YTHDF3: variants seen among roughly 807,000 people sequenced by gnomAD.
YTHDF3 encodes YTH N6-methyladenosine RNA binding protein F3.
Under a neutral mutation model 52.5 loss-of-function variants are expected in YTHDF3, and 9 were observed. That is an observed-to-expected ratio of 0.17 (90% CI 0.10 to 0.30). The LOEUF (loss-of-function observed/expected upper bound fraction) is 0.30. YTHDF3 is among the 10% of genes least tolerant of loss of function. YTHDF3 has a pLI of 1.00. For synonymous variants in YTHDF3, 274 were observed against 243.3 expected (o/e 1.13, Z -1.18); for missense variants, 534 against 715.0 (o/e 0.75, Z 2.89).
chr8:63,208,759 TG>T (rs1810195904), intron 4 of YTHDF3, among the ~76,000 whole-genome samples: 1 of 152,252 alleles, frequency 6.6e-6, no homozygotes, highest in African/African-American at 2.4e-5. Context: ...GTTTAACTTT[TG>T]TTCAAGTAGT....
At chr8:63,172,874 A>G in intron 2 of YTHDF3, 2 of 1,138,824 alleles carry the variant, frequency 1.8e-6, no homozygotes, top group Non-Finnish European at 2.2e-6. Flanking sequence ...TTTCTATTTA[A>G]TGGTTTTCAG....
rs762422750 is a variant in YTHDF3, at chr8:63,186,873, G to A, written c.862G>A (p.Ala288Thr). Residue 288 changes from alanine (A) to threonine (T), a missense_variant, in exon 4 of 5, where the codon GCT becomes ACT. Physicochemically the swap from Ala to Thr is moderately conservative, Grantham distance 58. This residue lies in a region of YTHDF3 where 203 missense variants were observed against 201.3 expected (regional missense o/e 1.01). Transcript: ENST00000539294. ...TWDEKGSVVK[A>T]PPTQPVLPPQ... The stretch of plus-strand genomic sequence containing the variant: ...GGATGAAAAAGGGTCAGTGGTAAAG[G>A]CTCCACCAACCCAACCAGTTCTGCC... 6.2e-7 allele frequency: 1 copy of A among 1,613,918 alleles called. No homozygotes were observed. The highest frequency in any genetic ancestry group is 8.5e-7 in the Non-Finnish European group (1 of 1,179,882).
intron 2 of YTHDF3, chr8:63,172,709 C>T: frequency 1.7e-6 from 2 of 1,169,968 alleles, no homozygotes; most frequent in Non-Finnish European, 2.1e-6. Context: ...TAGTCAGGAC[C>T]AGAGCAAAGA....
intron 4 of YTHDF3, among the ~76,000 whole-genome samples, chr8:63,198,728 G>A (rs554967730): frequency 1.3e-5 from 2 of 152,252 alleles, no homozygotes; most frequent in East Asian, 1.9e-4. Context: ...TATGACAACA[G>A]CAAACATTTC....
At chr8:63,175,683 T>G (rs1807638701) in intron 3 of YTHDF3, 2 of 261,012 alleles carry the variant, frequency 7.7e-6, no homozygotes, top group South Asian at 1.6e-4. Context: ...ATGGTTAGGT[T>G]TTTTGTGTGT....
At chr8:63,188,462 G>T (rs561735032) in intron 4 of YTHDF3, among the ~76,000 whole-genome samples, 1 of 150,354 alleles carries the variant, frequency 6.7e-6, no homozygotes, top group South Asian at 2.1e-4. Flanking sequence ...GAGTAGCTGG[G>T]ACTACGGTCA....
intron 3 of YTHDF3, among the ~76,000 whole-genome samples, chr8:63,176,930 C>T (rs1188546126): frequency 3.3e-5 from 5 of 152,084 alleles, no homozygotes; most frequent in Admixed American, 1.3e-4. Flanking sequence ...CTGCCTGCCT[C>T]AGCCTCCCAA....
Position 63,182,608 on chromosome 8 carries a change from T to C in YTHDF3, c.136-3539T>C, listed in dbSNP as rs117447859. On this transcript the variant is annotated intron_variant, in intron 3 of 4. Transcript: ENST00000539294. ...GTTTAACTTTCTGAATGCTTTCTTATAAAGAATTAACATAAAAACTTCCTA... is the reference window on the plus strand; with the variant it reads ...GTTTAACTTTCTGAATGCTTTCTTACAAAGAATTAACATAAAAACTTCCTA... Among the ~76,000 whole-genome samples the C allele has an allele frequency of 5.3e-3, 803 of 152,318 alleles. 4 individuals are homozygous for C. The highest frequency in any genetic ancestry group is 6.8e-3 in the Middle Eastern group (2 of 294).
Position 63,187,469 on chromosome 8 carries a change from T to C in YTHDF3, c.1458T>C (p.Asn486=), listed in dbSNP as rs369724704. 35 of 1,613,984 alleles carry C rather than the reference T, an allele frequency of 2.2e-5. No homozygotes were observed. The highest frequency in any genetic ancestry group is 2.9e-5 in the Non-Finnish European group (34 of 1,179,890). Residue 486 remains asparagine, a synonymous_variant, in exon 4 of 5, where the codon AAT becomes AAC. Transcript: ENST00000539294. Reference sequence around the variant, plus strand: ...AAATGAAGTCTGTTGTGGACTATAATGCGTATGCTGGTGTCTGGTCTCAGG... The same window carrying C: ...AAATGAAGTCTGTTGTGGACTATAACGCGTATGCTGGTGTCTGGTCTCAGG... The part of the protein sequence containing the change: ...VAEMKSVVDY[N]AYAGVWSQDK...
In YTHDF3 at chr8:63,197,011, G is replaced by A. The variant is rs145802334; in HGVS notation, c.1734+9266G>A. Reference sequence around the variant, plus strand: ...TGTTTATAGAGGATCAGAACTTTTGGCCATCTCATCCTGCCTACTTAATTC... The same window carrying A: ...TGTTTATAGAGGATCAGAACTTTTGACCATCTCATCCTGCCTACTTAATTC... On this transcript the variant is annotated intron_variant, in intron 4 of 4. Coordinates refer to ENST00000539294, the MANE Select transcript of YTHDF3 (RefSeq NM_152758.6). 2.0e-5 allele frequency among the ~76,000 whole-genome samples: 3 copies of A among 152,274 alleles called. No individual in the cohort carries two copies. In the East Asian group the frequency reaches 5.8e-4, roughly 29 times the overall value.
chr8:63,175,131 T>C (rs889722246), intron 2 of YTHDF3, among the ~76,000 whole-genome samples, 200 bp from the exon 3 acceptor site: 6 of 152,176 alleles, frequency 3.9e-5, no homozygotes, highest in African/African-American at 1.4e-4. Context: ...CTTGGGCTTA[T>C]GTATCAAAAG....
chr8:63,198,722 ACAACAGCAAACAT>A (rs1444200826), intron 4 of YTHDF3, among the ~76,000 whole-genome samples: 8 of 152,224 alleles, frequency 5.3e-5, no homozygotes, highest in African/African-American at 1.9e-4. Flanking sequence ...TATACTTATG[ACAACAGCAAACAT>A]TTCCCTGGCA....
intron 4 of YTHDF3, among the ~76,000 whole-genome samples, chr8:63,192,873 A>G (rs1809001924): frequency 6.7e-6 from 1 of 150,174 alleles, no homozygotes; most frequent in Non-Finnish European, 1.5e-5. Flanking sequence ...TCTGGTTTTA[A>G]TATGGCCTTA....
intron 4 of YTHDF3, chr8:63,188,801 C>T (rs1411501050): frequency 6.9e-6 from 1 of 145,150 alleles, no homozygotes; most frequent in Non-Finnish European, 1.5e-5. Context: ...GCAACGTCCG[C>T]CTCCCGGATT....
intron 4 of YTHDF3, among the ~76,000 whole-genome samples, chr8:63,191,068 G>A (rs953282012): frequency 6.6e-6 from 1 of 152,134 alleles, no homozygotes; most frequent in African/African-American, 2.4e-5. Context: ...CTATGTATAA[G>A]CCTTGCTTTA....
intron 3 of YTHDF3, among the ~76,000 whole-genome samples, chr8:63,177,413 T>A (rs938854189): frequency 6.6e-6 from 1 of 152,220 alleles, no homozygotes; most frequent in Non-Finnish European, 1.5e-5. Context: ...GCAAAATTAC[T>A]TTTCCACGTA....
At chr8:63,169,242 A>G (rs894068124) in intron 1 of YTHDF3, 145 bp from the exon 2 acceptor site, 1 of 1,307,490 alleles carries the variant, frequency 7.6e-7, no homozygotes, top group African/African-American at 1.5e-5. Context: ...TGGTTGGGAA[A>G]TTGGTGGCTG....
At chr8:63,195,178 G>A (rs757659875) in intron 4 of YTHDF3, among the ~76,000 whole-genome samples, 26 of 152,160 alleles carry the variant, frequency 1.7e-4, no homozygotes, top group East Asian at 1.2e-3. Flanking sequence ...TCAAATTGTC[G>A]GAGAAATCCA....
At position 63,211,965 on chromosome 8, in the gene YTHDF3, A is replaced by G. The variant is rs1043300408; in HGVS notation, c.*2259A>G. The G allele has an allele frequency of 1.3e-5, 2 of 152,506 alleles. No homozygotes were observed. Among genetic ancestry groups the G allele is most frequent in the Non-Finnish European group, 2.9e-5 (2 of 67,980 alleles). 9.4% of individuals were successfully genotyped at this position (152,506 alleles called of 1,614,324 possible). A position where few individuals can be genotyped will look rare whatever the true frequency, so the allele number is the denominator to read the frequency against. On this transcript the variant is annotated 3_prime_UTR_variant, in exon 5 of 5. Transcript: ENST00000539294. ...CTTCTTGGTCTGTCATTATATTGCAAAATATTTTTCCTCTGAATGAAATTA... is the reference window on the plus strand; with the variant it reads ...CTTCTTGGTCTGTCATTATATTGCAGAATATTTTTCCTCTGAATGAAATTA...
Sources: gnomAD v4.1 joint callset for allele counts (sites outside exome capture counted in the v4.1 genomes callset) on GRCh38, gnomAD v4.1.1 for gene constraint, gnomAD v4.1.1 regional missense constraint, MANE v1.5 for transcripts, NCBI Gene and HGNC (gene_info 2026-07-23, HGNC 2026-07-21) for gene names.